Variants in DHX30 observed in about 807,000 individuals in gnomAD.
The protein encoded by DHX30 is DExH-box helicase 30, also known as ATP-dependent RNA helicase DHX30.
DHX30 carries 4 observed loss-of-function variants against 116.9 expected under a neutral mutation model. The observed-to-expected ratio is 0.03, with a 90% confidence interval of 0.02 to 0.08. The LOEUF (loss-of-function observed/expected upper bound fraction) is 0.08, where lower values mean the gene tolerates loss of function less well. Ranked by LOEUF, DHX30 falls within the 10% of genes least tolerant of loss-of-function variation. The pLI is 1.00. For synonymous variants in DHX30, 697 were observed against 651.7 expected (o/e 1.07, Z -1.06); for missense variants, 871 against 1,595.1 (o/e 0.55, Z 7.73).
chr3:47,807,644 G>T (rs992010244), intron 2 of DHX30, among the ~76,000 whole-genome samples: 1 of 143,364 alleles, frequency 7.0e-6, no homozygotes, highest in Admixed American at 7.5e-5. Flanking sequence ...GGTGGAGGTT[G>T]CAGTAAGCTG....
Position 47,848,338 on chromosome 3 carries a change from T to C in DHX30, c.2445T>C (p.Pro815=). The C allele has an allele frequency of 1.2e-6, 2 of 1,614,042 alleles. No individual in the cohort carries two copies. The highest frequency in any genetic ancestry group is 1.7e-6 in the Non-Finnish European group (2 of 1,180,014). Residue 815 remains proline (P), a synonymous_variant, in exon 15 of 22, where the codon CCT becomes CCC. Transcript: ENST00000445061. This position sits in a 1 kb window ranked among gnomAD's most constrained non-coding sequence, Gnocchi z 9.4. ...AAGTGCCAGAGATCCTGCGCACACCTCTTGAGAACCTGGTGCTGCAAGCGA... is the reference window on the plus strand; with the variant it reads ...AAGTGCCAGAGATCCTGCGCACACCCCTTGAGAACCTGGTGCTGCAAGCGA... ...PFQVPEILRT[P]LENLVLQAKI... is the part of the protein sequence containing the mutation.
intron 3 of DHX30, among the ~76,000 whole-genome samples, chr3:47,815,725 A>C (rs1244125488): frequency 5.5e-5 from 2 of 36,166 alleles, no homozygotes; most frequent in Non-Finnish European, 1.2e-4. Flanking sequence ...AAAAAGAGCA[A>C]AAAAAAAAAA....
intron 3 of DHX30, among the ~76,000 whole-genome samples, chr3:47,811,275 G>A (rs1001952145): frequency 5.9e-5 from 9 of 152,098 alleles, no homozygotes; most frequent in African/African-American, 1.9e-4. Flanking sequence ...ATTTTTCTAG[G>A]CTAGTATTTT....
chr3:47,815,988 T>C, intron 3 of DHX30: 3 of 982,978 alleles, frequency 3.1e-6, no homozygotes, highest in Non-Finnish European at 3.6e-6. Context: ...ATGAGGACCC[T>C]CCTTAAACAG....
intron 4 of DHX30, chr3:47,825,095 A>G: frequency 1.5e-6 from 1 of 671,396 alleles, no homozygotes; most frequent in Non-Finnish European, 2.7e-6. Flanking sequence ...CCGCGCCTGC[A>G]GCCGCTGGGT....
chr3:47,820,974 G>A (rs573262313), intron 4 of DHX30, among the ~76,000 whole-genome samples: 1 of 150,042 alleles, frequency 6.7e-6, no homozygotes, highest in Admixed American at 6.7e-5. Context: ...TTATTTATGA[G>A]ATGGAGTCTC....
At chr3:47,819,758 T>A (rs2036214873) in intron 4 of DHX30, among the ~76,000 whole-genome samples, 1 of 152,040 alleles carries the variant, frequency 6.6e-6, no homozygotes, top group Non-Finnish European at 1.5e-5. Flanking sequence ...TGAAAAAAAA[T>A]GATCACCTCC....
chr3:47,846,151 T>C lies in DHX30; in HGVS notation c.1093-14T>C. On this transcript the variant is annotated splice_polypyrimidine_tract_variant and intron_variant, in intron 10 of 21. Transcript: ENST00000445061. The stretch of plus-strand genomic sequence containing the variant: ...TTTCTTTTTCATTGTTTTGCTTGCC[T>C]CCCTGCCCTCCAGTACCCTGTGGAG... 1 of 1,596,448 alleles carries C rather than the reference T, an allele frequency of 6.3e-7. No individual in the cohort carries two copies. Among genetic ancestry groups the C allele is most frequent in the Non-Finnish European group, 8.6e-7 (1 of 1,168,804 alleles).
At chr3:47,809,388 C>T (rs975513163) in intron 2 of DHX30, among the ~76,000 whole-genome samples, 2 of 151,562 alleles carry the variant, frequency 1.3e-5, no homozygotes, top group Middle Eastern at 3.4e-3. Flanking sequence ...ACTACAGGCC[C>T]GCACAACCAT....
chr3:47,849,798 C>T (rs1273302043), intron 21 of DHX30, 29 bp downstream of exon 21: 1 of 1,607,960 alleles, frequency 6.2e-7, no homozygotes, highest in African/African-American at 1.3e-5. Flanking sequence ...CCCGCCCACC[C>T]CGCTCTGCAG....
chr3:47,844,917 T>C (rs2037533198), intron 9 of DHX30, among the ~76,000 whole-genome samples: 1 of 151,914 alleles, frequency 6.6e-6, no homozygotes, highest in Non-Finnish European at 1.5e-5. Context: ...TCGGGTGCCA[T>C]GTAGGGATTG....
intron 3 of DHX30, among the ~76,000 whole-genome samples, chr3:47,811,426 T>C (rs182599282): frequency 0.015 from 2,258 of 152,302 alleles, 32 homozygotes; most frequent in Non-Finnish European, 0.025. Context: ...GGAAGCTCCC[T>C]GTAGCCAGGG....
chr3:47,820,490 G>C (rs2036249951), intron 4 of DHX30, among the ~76,000 whole-genome samples: 1 of 151,976 alleles, frequency 6.6e-6, no homozygotes, highest in Non-Finnish European at 1.5e-5. Flanking sequence ...TATATGGTTG[G>C]GTAAGTTGCC....
At chr3:47,829,306 A>AT (rs2036705811) in intron 6 of DHX30, among the ~76,000 whole-genome samples, 172 bp downstream of exon 6, 1 of 33,452 alleles carries the variant, frequency 3.0e-5, no homozygotes, top group Non-Finnish European at 6.9e-5. Flanking sequence ...ATATATATAT[A>AT]TATATATATT....
chr3:47,819,305 T>G (rs756827481), intron 4 of DHX30: 5 of 1,366,374 alleles, frequency 3.7e-6, no homozygotes, highest in Non-Finnish European at 4.9e-6. Context: ...TTGGCTAAGC[T>G]TGAAGACGGT....
intron 1 of DHX30, among the ~76,000 whole-genome samples, chr3:47,804,347 A>C (rs1271484016): frequency 6.6e-6 from 1 of 152,114 alleles, no homozygotes; most frequent in Non-Finnish European, 1.5e-5. Flanking sequence ...CTGAGGTCAG[A>C]AGTTTGAGAC....
chr3:47,848,946 C>A lies in DHX30; in HGVS notation c.2796C>A (p.Ser932Arg). Residue 932 changes from serine to arginine, a missense_variant, in exon 18 of 22, where the codon AGC becomes AGA. Ser to Arg is a moderately radical substitution (Grantham distance 110). This residue lies in a region of DHX30 where 238 missense variants were observed against 481.0 expected (regional missense o/e 0.49). Coordinates refer to ENST00000445061, the MANE Select transcript of DHX30 (RefSeq NM_138615.3). The surrounding 1 kb of genome is among the most constrained non-coding windows in gnomAD (Gnocchi z 9.4). ...TGAAAGCACTGTTGAGCCATGACAGCGGCAGTGACCACCTGGCCTTTGTGC... is the reference window on the plus strand; with the variant it reads ...TGAAAGCACTGTTGAGCCATGACAGAGGCAGTGACCACCTGGCCTTTGTGC... ...DKVKALLSHD[S>R]GSDHLAFVRA... is the part of the protein sequence containing the mutation. The A allele has an allele frequency of 6.2e-7, 1 of 1,610,818 alleles. No individual in the cohort carries two copies. The highest frequency in any genetic ancestry group is 1.1e-5 in the South Asian group (1 of 90,608).
intron 6 of DHX30, chr3:47,831,160 A>G (rs1432611948): frequency 2.0e-5 from 3 of 151,968 alleles, no homozygotes; most frequent in African/African-American, 7.3e-5. Context: ...ACAGTTCTGC[A>G]AACTGTACAA....
chr3:47,828,993 A>G (rs979549921), intron 5 of DHX30, 31 bp from the exon 6 acceptor site: 1 of 1,436,264 alleles, frequency 7.0e-7, no homozygotes, highest in Non-Finnish European at 9.7e-7. Flanking sequence ...TGGAGTGGCA[A>G]GACTTCTGAT....
Sources: allele counts gnomAD v4.1 joint callset (sites outside exome capture counted in the v4.1 genomes callset), GRCh38; gene constraint gnomAD v4.1.1; regional missense constraint gnomAD v4.1.1; non-coding constraint Gnocchi (gnomAD v3.1); transcripts MANE v1.5; gene names NCBI Gene and HGNC (gene_info 2026-07-23, HGNC 2026-07-21).